TRIM75: variants seen among roughly 807,000 people sequenced by gnomAD.
TRIM75 encodes the protein tripartite motif containing 75.
the TRIM75 span, among the ~76,000 whole-genome samples, chr4:165,057,455 G>A: frequency 2.0e-5 from 3 of 152,210 alleles, no homozygotes; most frequent in African/African-American, 7.2e-5. Flanking sequence ...ATTTGTTCAA[G>A]TCATCTGCAT....
chr4:165,056,019 G>T, the TRIM75 span, among the ~76,000 whole-genome samples: 1 of 150,352 alleles, frequency 6.7e-6, no homozygotes, highest in Non-Finnish European at 1.5e-5. Context: ...GGGTTCAAGC[G>T]ACTTTCCCAC....
the TRIM75 span, chr4:165,059,929 A>G: frequency 3.8e-6 from 3 of 779,754 alleles, no homozygotes; most frequent in Non-Finnish European, 7.2e-6. Flanking sequence ...TCTGAAAATG[A>G]GAGTAGCCCA....
At chr4:165,055,849 G>A in the TRIM75 span, among the ~76,000 whole-genome samples, 3 of 151,860 alleles carry the variant, frequency 2.0e-5, no homozygotes, top group East Asian at 3.9e-4. Context: ...TTGGGAGGCC[G>A]ATGCAGGTGG....
At chr4:165,054,430 G>A in the TRIM75 span, among the ~76,000 whole-genome samples, 794 of 152,148 alleles carry the variant, frequency 5.2e-3, 8 homozygotes, top group African/African-American at 0.018. Context: ...ACCATGCCCA[G>A]CTAATTTTTT....
At chr4:165,059,347 G>T in the TRIM75 span, 18 of 780,478 alleles carry the variant, frequency 2.3e-5, no homozygotes, top group South Asian at 2.4e-4. Context: ...CACTTCAGGA[G>T]CAACACCCAG....
At chr4:165,056,102 T>C in the TRIM75 span, among the ~76,000 whole-genome samples, 2 of 151,844 alleles carry the variant, frequency 1.3e-5, no homozygotes, top group Non-Finnish European at 2.9e-5. Flanking sequence ...AATTTTTGTA[T>C]TTTTAGTAGA....
chr4:165,059,894 G>A, the TRIM75 span: 2 of 779,042 alleles, frequency 2.6e-6, no homozygotes, highest in Admixed American at 3.4e-5. Context: ...TGGAATTGCT[G>A]TCACAAATTA....
the TRIM75 span, among the ~76,000 whole-genome samples, chr4:165,056,806 G>A: frequency 1.3e-5 from 2 of 151,770 alleles, no homozygotes; most frequent in Admixed American, 6.6e-5. Context: ...TAGTACAGAC[G>A]GGGTTTCACC....
chr4:165,059,151 G>A, the TRIM75 span: 1 of 773,522 alleles, frequency 1.3e-6, no homozygotes, highest in Admixed American at 1.7e-5. Context: ...CAGCCCAATG[G>A]CAGTGGCAGC....
At chr4:165,054,609 A>C in the TRIM75 span, among the ~76,000 whole-genome samples, 1 of 151,964 alleles carries the variant, frequency 6.6e-6, no homozygotes, top group African/African-American at 2.4e-5. Flanking sequence ...CGTGTTGGCC[A>C]GGTTGGTCTC....
chr4:165,057,185 C>T, the TRIM75 span, among the ~76,000 whole-genome samples: 13 of 152,084 alleles, frequency 8.5e-5, no homozygotes, highest in Non-Finnish European at 1.6e-4. Flanking sequence ...TCCAATGCTT[C>T]CTCTTTTTTG....
At chr4:165,059,697 T>C in the TRIM75 span, 9 of 780,824 alleles carry the variant, frequency 1.2e-5, no homozygotes, top group African/African-American at 8.5e-5. Context: ...GCAGGAATTA[T>C]CCTCTGAATT....
the TRIM75 span, chr4:165,060,468 AC>A: frequency 1.3e-6 from 1 of 780,340 alleles, no homozygotes; most frequent in Non-Finnish European, 2.4e-6. Context: ...TTTCACTGAC[AC>A]TTTTACTGGG....
chr4:165,054,480 T>G, the TRIM75 span, among the ~76,000 whole-genome samples: 660 of 152,152 alleles, frequency 4.3e-3, 6 homozygotes, highest in African/African-American at 0.014. Flanking sequence ...TGTTGGCCAG[T>G]ATGGTCTCGA....
the TRIM75 span, among the ~76,000 whole-genome samples, chr4:165,053,894 A>T: frequency 6.6e-6 from 1 of 151,466 alleles, no homozygotes; most frequent in African/African-American, 2.4e-5. Flanking sequence ...GTTAGTATCT[A>T]GTGTGTGGCC....
At chr4:165,059,249 C>T in the TRIM75 span, 8 of 780,502 alleles carry the variant, frequency 1.0e-5, no homozygotes, top group East Asian at 1.7e-4. Context: ...GTGGGCACAA[C>T]TTCTGTCGTT....
the TRIM75 span, among the ~76,000 whole-genome samples, chr4:165,056,149 C>T: frequency 6.6e-6 from 1 of 151,840 alleles, no homozygotes; most frequent in Non-Finnish European, 1.5e-5. Flanking sequence ...CTGGGAGACC[C>T]CATCTCTTTA....
At chr4:165,055,890 C>T in the TRIM75 span, among the ~76,000 whole-genome samples, 1 of 149,992 alleles carries the variant, frequency 6.7e-6, no homozygotes, top group African/African-American at 2.4e-5. Context: ...CAACACAAGC[C>T]TGGGCAACAC....
At chr4:165,059,001 A>G in the TRIM75 span, 1 of 585,376 alleles carries the variant, frequency 1.7e-6, no homozygotes, top group Non-Finnish European at 3.1e-6. Flanking sequence ...CAATGTGAGA[A>G]ATCAGTGGGA....
Sources: allele counts gnomAD v4.1 joint callset (sites outside exome capture counted in the v4.1 genomes callset), GRCh38; gene constraint gnomAD v4.1.1; transcripts MANE v1.5; gene names NCBI Gene and HGNC (gene_info 2026-07-23, HGNC 2026-07-21).